AHCY: variants seen among roughly 807,000 people sequenced by gnomAD.
The protein encoded by AHCY is S-adenosyl-L-homocysteine hydrolase.
A neutral mutation model predicts 45.4 loss-of-function variants in AHCY; 24 were observed. That is an observed-to-expected ratio of 0.53 (90% CI 0.38 to 0.74). The LOEUF is 0.74. Among genes scored for constraint, AHCY ranks in the 30% least tolerant of loss-of-function variants. The pLI is 0.00. For missense variants in AHCY, 449 were observed against 594.1 expected (o/e 0.76, Z 2.54); for synonymous variants, 245 against 235.1 (o/e 1.04, Z -0.39).
chr20:34,235,847 A>AAGAG, the AHCY span, among the ~76,000 whole-genome samples: 1 of 46,372 alleles, frequency 2.2e-5, no homozygotes, highest in Non-Finnish European at 3.3e-5. Flanking sequence ...GAAAGAAGGA[A>AAGAG]GGAAGGAAGG....
chr20:34,306,023 A>G (rs1028631559), upstream of AHCY, among the ~76,000 whole-genome samples: 8 of 148,714 alleles, frequency 5.4e-5, no homozygotes, highest in Non-Finnish European at 1.0e-4. Flanking sequence ...CGGATGTTGC[A>G]TTGAGCCAAG....
At chr20:34,265,928 C>T in the AHCY span, among the ~76,000 whole-genome samples, 1 of 150,182 alleles carries the variant, frequency 6.7e-6, no homozygotes, top group African/African-American at 2.4e-5. Context: ...CTAGCCTGGG[C>T]GACAGAGCAA....
At chr20:34,281,314 T>C in intron 9 of AHCY, 149 bp from the exon 10 acceptor site, 1 of 1,294,868 alleles carries the variant, frequency 7.7e-7, no homozygotes, top group South Asian at 1.3e-5. Context: ...ACACCCAGCC[T>C]CAGTTAATGT....
chr20:34,261,831 G>A, the AHCY span, among the ~76,000 whole-genome samples: 7 of 151,750 alleles, frequency 4.6e-5, no homozygotes, highest in Non-Finnish European at 7.4e-5. Context: ...ATAAATAATC[G>A]GCCAGGCGCG....
intron 1 of AHCY, among the ~76,000 whole-genome samples, chr20:34,308,593 T>C (rs2036917913): frequency 6.6e-6 from 1 of 151,844 alleles, no homozygotes; most frequent in Non-Finnish European, 1.5e-5. Context: ...TCCATAATTA[T>C]ACCCAATTTT....
chr20:34,269,436 C>G, the AHCY span: 2 of 449,542 alleles, frequency 4.4e-6, no homozygotes, highest in Non-Finnish European at 7.7e-6. Context: ...CTCAGGAAAC[C>G]CGGGCGTCCC....
the AHCY span, chr20:34,268,853 G>A: frequency 9.7e-7 from 1 of 1,030,308 alleles, no homozygotes; most frequent in Non-Finnish European, 1.4e-6. Context: ...GACTGGGGGA[G>A]CGGGCGGTGG....
intron 8 of AHCY, among the ~76,000 whole-genome samples, chr20:34,289,439 C>T (rs1211064231): frequency 6.8e-6 from 1 of 147,000 alleles, no homozygotes; most frequent in African/African-American, 2.5e-5. Context: ...TCCCAAAGTG[C>T]TGGGATTACA....
At chr20:34,261,891 T>A in the AHCY span, among the ~76,000 whole-genome samples, 2 of 152,120 alleles carry the variant, frequency 1.3e-5, no homozygotes, top group African/African-American at 4.8e-5. Context: ...GGTGGGCAGA[T>A]CACCTGAGGT....
chr20:34,295,143 G>C, intron 2 of AHCY: 1 of 595,770 alleles, frequency 1.7e-6, no homozygotes, highest in South Asian at 1.9e-5. Context: ...TTTCCTGCCA[G>C]AGCATCCATC....
chr20:34,233,827 T>A, the AHCY span, among the ~76,000 whole-genome samples: 1 of 152,194 alleles, frequency 6.6e-6, no homozygotes, highest in East Asian at 1.9e-4. Flanking sequence ...AACCATTACC[T>A]GAGAAAAAGT....
At chr20:34,294,641 C>T (rs2036512141) in intron 2 of AHCY, among the ~76,000 whole-genome samples, 1 of 152,068 alleles carries the variant, frequency 6.6e-6, no homozygotes, top group Admixed American at 6.5e-5. Context: ...TCCATTTACT[C>T]AGGTGGGGAA....
Position 34,290,671 on chromosome 20 carries a change from G to C in AHCY, c.767-33C>G. The C allele has an allele frequency of 6.2e-7, 1 of 1,613,866 alleles. No homozygotes were observed. Among genetic ancestry groups the C allele is most frequent in the Non-Finnish European group, 8.5e-7 (1 of 1,179,912 alleles). The stretch of plus-strand genomic sequence containing the variant: ...GAGACAGTGGCTGTGGGTCATCTAC[G>C]GTGGCCTTGCCCCTCCCTCTGGCCC... On this transcript the variant is annotated intron_variant, in intron 6 of 9. Coordinates refer to ENST00000217426, the MANE Select transcript of AHCY (RefSeq NM_000687.4). This position sits in a 1 kb window ranked among gnomAD's most constrained non-coding sequence, Gnocchi z 4.5.
chr20:34,235,899 A>AAGGAGGAGGGAGGGAAGAATG, the AHCY span, among the ~76,000 whole-genome samples: 166 of 64,274 alleles, frequency 2.6e-3, 14 homozygotes, highest in African/African-American at 0.019. Context: ...GGAAGGAAGG[A>AAGGAGGAGGGAGGGAAGAATG]AAGGAAGGAA....
At chr20:34,270,513 T>G in the AHCY span, among the ~76,000 whole-genome samples, 1 of 152,200 alleles carries the variant, frequency 6.6e-6, no homozygotes, top group African/African-American at 2.4e-5. Flanking sequence ...CAGACACTGT[T>G]CACCAAGCAG....
chr20:34,275,024 T>A, the AHCY span, among the ~76,000 whole-genome samples: 8 of 151,450 alleles, frequency 5.3e-5, no homozygotes, highest in Non-Finnish European at 8.8e-5. Context: ...TGGGCAAAAT[T>A]CCCTCCCAGC....
intron 1 of AHCY, chr20:34,301,754 T>G (rs530641057): frequency 1.0e-6 from 1 of 952,876 alleles, no homozygotes; most frequent in African/African-American, 1.8e-5. Flanking sequence ...GACCTTCACA[T>G]AACCTTTCTG....
chr20:34,241,111 A>C, the AHCY span, among the ~76,000 whole-genome samples: 2 of 152,196 alleles, frequency 1.3e-5, no homozygotes, highest in African/African-American at 4.8e-5. Flanking sequence ...CACCGTAAAT[A>C]GGAGGAAACA....
chr20:34,260,685 G>C, the AHCY span: 1 of 945,820 alleles, frequency 1.1e-6, no homozygotes, highest in Non-Finnish European at 1.5e-6. Flanking sequence ...GGTGGCCCTT[G>C]ACTCATTTGG....
Sources: gnomAD v4.1 joint callset for allele counts (sites outside exome capture counted in the v4.1 genomes callset) on GRCh38, gnomAD v4.1.1 for gene constraint, Gnocchi (gnomAD v3.1) non-coding constraint, MANE v1.5 for transcripts, NCBI Gene and HGNC (gene_info 2026-07-23, HGNC 2026-07-21) for gene names.